Variants in CACNG8 observed in about 807,000 individuals in gnomAD.
CACNG8 encodes voltage-dependent calcium channel gamma-8 subunit.
Under a neutral mutation model 26.9 loss-of-function variants are expected in CACNG8, and 5 were observed. That is an observed-to-expected ratio of 0.19 (90% CI 0.10 to 0.39). The LOEUF is 0.39. Among genes scored for constraint, CACNG8 ranks in the 10% least tolerant of loss-of-function variants. The probability of loss-of-function intolerance (pLI) is 1.00; values close to 1 mark genes in which losing one functional copy is unlikely to be tolerated. For missense variants in CACNG8, 473 were observed against 609.4 expected (o/e 0.78, Z 2.36); for synonymous variants, 321 against 296.7 (o/e 1.08, Z -0.84).
chr19:53,967,273 C>T (rs2069276898), intron 1 of CACNG8, among the ~76,000 whole-genome samples: 1 of 152,166 alleles, frequency 6.6e-6, no homozygotes, highest in South Asian at 2.1e-4. Context: ...TAAGATGAAA[C>T]AGCAGCTGTT....
chr19:53,983,135 T>C lies in CACNG8; in HGVS notation c.*286T>C. ...CATGGTGTTTTTTGCAGTTTCGAGA[T>C]GTTTTCTTTTTCATGTTTTGCTGTG... is the stretch of plus-strand genomic sequence containing the variant. On this transcript the variant is annotated 3_prime_UTR_variant, in exon 4 of 4. Coordinates refer to ENST00000270458, the MANE Select transcript of CACNG8 (RefSeq NM_031895.6). The C allele has an allele frequency of 7.3e-6, 1 of 136,614 alleles. No individual in the cohort carries two copies. The highest frequency in any genetic ancestry group is 1.5e-5 in the Non-Finnish European group (1 of 65,062). The allele number at this position is 136,614 out of a possible 1,614,324, so 8.5% of individuals were successfully genotyped here.
At position 53,982,003 on chromosome 19, in the gene CACNG8, C is replaced by G. The variant is rs1204996547; in HGVS notation, c.509-77C>G. ...TGGCGCCTGGGCCCGCTGGCGCAGG[C>G]GGGCAGGGGTCGGGGCCGGGGGCGG... is the stretch of plus-strand genomic sequence containing the variant. On this transcript the variant is annotated intron_variant, in intron 3 of 3. Transcript: ENST00000270458. The surrounding 1 kb of genome is among the most constrained non-coding windows in gnomAD (Gnocchi z 8.4). The G allele has an allele frequency of 2.4e-6, 3 of 1,237,156 alleles. No individual in the cohort carries two copies. In the East Asian group the frequency reaches 1.1e-4, roughly 46 times the overall value. The allele number at this position is 1,237,156 out of a possible 1,614,324, so 76.6% of individuals were successfully genotyped here.
Position 53,983,585 on chromosome 19 carries a change from C to T in CACNG8, c.*736C>T, listed in dbSNP as rs926656942. 2.0e-5 allele frequency: 3 copies of T among 152,196 alleles called. No homozygotes were observed. Among genetic ancestry groups the T allele is most frequent in the East Asian group, 3.8e-4 (2 of 5,196 alleles). The allele number at this position is 152,196 out of a possible 1,614,324, so 9.4% of individuals were successfully genotyped here. On this transcript the variant is annotated 3_prime_UTR_variant, in exon 4 of 4. Transcript: ENST00000270458. ...CCCCGACGTCTCATAGAGTAAACAT[C>T]TTGTGCATGAGACAGGCATTAATCG...
chr19:53,966,358 G>A (rs900487604), intron 1 of CACNG8, among the ~76,000 whole-genome samples: 1 of 152,100 alleles, frequency 6.6e-6, no homozygotes, highest in Non-Finnish European at 1.5e-5. Flanking sequence ...AAAGTGCTGG[G>A]ATTACAGATG....
chr19:53,974,387 T>C (rs1216480698), intron 1 of CACNG8, among the ~76,000 whole-genome samples: 1 of 152,230 alleles, frequency 6.6e-6, no homozygotes, highest in Admixed American at 6.5e-5. Flanking sequence ...TTCCGCTTTT[T>C]GGCTATTGTG....
chr19:53,980,573 G>C (rs2069360587), intron 3 of CACNG8, among the ~76,000 whole-genome samples: 2 of 152,156 alleles, frequency 1.3e-5, no homozygotes, highest in African/African-American at 4.8e-5. Context: ...ATCGGCCCTT[G>C]CCCGTGGCCA....
At chr19:53,980,328 G>A (rs961361458) in intron 3 of CACNG8, among the ~76,000 whole-genome samples, 2 of 152,100 alleles carry the variant, frequency 1.3e-5, no homozygotes, top group African/African-American at 4.8e-5. Flanking sequence ...GGAAGGGGAG[G>A]AGCTGGGGAG....
intron 1 of CACNG8, among the ~76,000 whole-genome samples, chr19:53,974,767 A>T (rs946878448): frequency 5.1e-4 from 68 of 134,304 alleles, no homozygotes; most frequent in Middle Eastern, 9.8e-3. Flanking sequence ...TCAGCCTCCC[A>T]AGTAGCTGGG....
chr19:53,983,625 C>CA lies in CACNG8; in HGVS notation c.*778dup. On this transcript the variant is annotated 3_prime_UTR_variant, in exon 4 of 4. Transcript: ENST00000270458. Reference sequence around the variant, plus strand: ...GGCATTAATCGATCATGTACATACACAATAAATTACAGTTAGGCTATAGGA... The same window carrying CA: ...GGCATTAATCGATCATGTACATACACAAATAAATTACAGTTAGGCTATAGGA... 6.6e-6 allele frequency: 1 copy of CA among 152,194 alleles called. No homozygotes were observed. Among genetic ancestry groups the CA allele is most frequent in the Non-Finnish European group, 1.5e-5 (1 of 68,050 alleles). The allele number at this position is 152,194 out of a possible 1,614,324, so 9.4% of individuals were successfully genotyped here. A position where few individuals can be genotyped will look rare whatever the true frequency, so the allele number is the denominator to read the frequency against.
At chr19:53,965,100 T>A (rs953964518) in intron 1 of CACNG8, among the ~76,000 whole-genome samples, 1 of 152,152 alleles carries the variant, frequency 6.6e-6, no homozygotes, top group African/African-American at 2.4e-5. Flanking sequence ...TTGCCCAAGG[T>A]CACCTAGCTG....
intron 1 of CACNG8, among the ~76,000 whole-genome samples, chr19:53,964,540 G>A (rs1350741043): frequency 1.3e-5 from 2 of 151,760 alleles, no homozygotes; most frequent in African/African-American, 4.8e-5. Flanking sequence ...GATGCCTCAG[G>A]CCTTCACGTT....
In CACNG8 at chr19:53,968,051, A is replaced by G. The variant is rs549078251; in HGVS notation, c.283+4626A>G. ...AGATATCAGTTTGAGGGGCATCATC[A>G]TATAGATGAATCAGATGGATGGAAT... On this transcript the variant is annotated intron_variant, in intron 1 of 3. Transcript: ENST00000270458. 9.2e-5 allele frequency among the ~76,000 whole-genome samples: 14 copies of G among 152,118 alleles called. No individual in the cohort carries two copies. In the East Asian group the frequency reaches 2.1e-3, roughly 23 times the overall value.
Position 53,982,275 on chromosome 19 carries a change from A to G in CACNG8, c.704A>G (p.His235Arg), listed in dbSNP as rs1232341151. The stretch of plus-strand genomic sequence containing the variant: ...TACATCGAGCGCAGCCGCGAGGCGC[A>G]CTGCCAGTCTCGCTCGGACCTGCTC... The change falls in exon 4 of 4, where the codon CAC (histidine) becomes CGC (arginine). Residue 235 changes from histidine to arginine, a missense_variant. By Grantham distance (29) the His-to-Arg change is conservative (BLOSUM62 0). Transcript: ENST00000270458. The surrounding 1 kb of genome is among the most constrained non-coding windows in gnomAD (Gnocchi z 8.4). The G allele has an allele frequency of 1.2e-6, 2 of 1,611,658 alleles. No homozygotes were observed. Among genetic ancestry groups the G allele is most frequent in the Non-Finnish European group, 1.7e-6 (2 of 1,179,392 alleles).
intron 1 of CACNG8, among the ~76,000 whole-genome samples, chr19:53,968,349 T>A (rs2069282722): frequency 6.7e-6 from 1 of 150,066 alleles, no homozygotes; most frequent in Non-Finnish European, 1.5e-5. Flanking sequence ...CACTCCAGTC[T>A]GGGCGACAGG....
At chr19:53,972,755 C>T (rs1168900968) in intron 1 of CACNG8, among the ~76,000 whole-genome samples, 2 of 152,260 alleles carry the variant, frequency 1.3e-5, no homozygotes, top group East Asian at 1.9e-4. Flanking sequence ...GGCTCAGGGA[C>T]GATCCGGTTC....
rs187954625 is a variant in CACNG8, at chr19:53,963,749, C to T, written c.283+324C>T. The stretch of plus-strand genomic sequence containing the variant: ...CACACCCCTGCATCTTCCCTCTCTC[C>T]AGTACCTGGGGCTCCTCCTGTTTCA... On this transcript the variant is annotated intron_variant, in intron 1 of 3. Coordinates refer to ENST00000270458, the MANE Select transcript of CACNG8 (RefSeq NM_031895.6). Among the ~76,000 whole-genome samples the T allele has an allele frequency of 1.8e-4, 28 of 152,122 alleles. 1 individual carries two copies. In the East Asian group the frequency reaches 3.5e-3, roughly 19 times the overall value.
At chr19:53,975,648 C>T (rs1166029149) in intron 1 of CACNG8, among the ~76,000 whole-genome samples, 3 of 152,104 alleles carry the variant, frequency 2.0e-5, no homozygotes, top group East Asian at 3.9e-4. Flanking sequence ...CAAATGGCTA[C>T]GATTACAGAC....
chr19:53,966,999 A>G (rs1445148849), intron 1 of CACNG8, among the ~76,000 whole-genome samples: 1 of 152,138 alleles, frequency 6.6e-6, no homozygotes, highest in Admixed American at 6.6e-5. Flanking sequence ...TCTCCAAAGC[A>G]GGGTTTTTCC....
chr19:53,965,998 G>C (rs775893507), intron 1 of CACNG8, among the ~76,000 whole-genome samples: 1 of 152,174 alleles, frequency 6.6e-6, no homozygotes, highest in Non-Finnish European at 1.5e-5. Flanking sequence ...CCGGGGCAGA[G>C]TGGGTGGCGG....
Sources: gnomAD v4.1 joint callset for allele counts (sites outside exome capture counted in the v4.1 genomes callset) on GRCh38, gnomAD v4.1.1 for gene constraint, Gnocchi (gnomAD v3.1) non-coding constraint, MANE v1.5 for transcripts, NCBI Gene and HGNC (gene_info 2026-07-23, HGNC 2026-07-21) for gene names.